TRPM3: variants seen among roughly 807,000 people sequenced by gnomAD.
TRPM3 encodes the protein long transient receptor potential channel 3.
Under a neutral mutation model 181.2 loss-of-function variants are expected in TRPM3, and 77 were observed. The ratio of observed to expected loss-of-function variants is 0.42; its 90% confidence interval spans 0.35 to 0.51. The LOEUF is 0.51. Ranked by LOEUF, TRPM3 falls within the 20% of genes least tolerant of loss-of-function variation. The pLI is 0.01. For missense variants in TRPM3, 1,759 were observed against 2,196.7 expected (o/e 0.80, Z 3.98); for synonymous variants, 745 against 796.4 (o/e 0.94, Z 1.09).
At position 70,911,177 on chromosome 9, in the gene TRPM3, G is replaced by C. The variant is rs561793831; in HGVS notation, c.178-46666C>G. ...TTTCCAAAACTTATTTGTGACCAAT[G>C]AATCACATTCTAAAGATCAAAATCA... On this transcript the variant is annotated intron_variant, in intron 1 of 25. Transcript: ENST00000677713. Among the ~76,000 whole-genome samples the C allele has an allele frequency of 1.2e-3, 181 of 152,292 alleles. 1 individual carries two copies. The highest frequency in any genetic ancestry group is 4.2e-3 in the African/African-American group (176 of 41,550).
intron 1 of TRPM3, among the ~76,000 whole-genome samples, chr9:71,038,580 C>T (rs576538348): frequency 6.6e-6 from 1 of 152,036 alleles, no homozygotes; most frequent in Non-Finnish European, 1.5e-5. Context: ...TCTTCCCTTT[C>T]TTCTTTCATT....
chr9:70,796,805 C>T (rs181885596), intron 6 of TRPM3, among the ~76,000 whole-genome samples: 39 of 151,288 alleles, frequency 2.6e-4, no homozygotes, highest in Admixed American at 2.2e-3. Context: ...CTCTACATGT[C>T]GTAGTTGCTC....
chr9:71,323,221 T>G (rs963279221), intron 1 of TRPM3, among the ~76,000 whole-genome samples: 1 of 152,080 alleles, frequency 6.6e-6, no homozygotes, highest in Admixed American at 6.6e-5. Flanking sequence ...TACAGCACAG[T>G]TGGGGCAAAA....
chr9:71,210,829 T>C (rs2079448341), intron 1 of TRPM3, among the ~76,000 whole-genome samples: 1 of 152,162 alleles, frequency 6.6e-6, no homozygotes, highest in Non-Finnish European at 1.5e-5. Flanking sequence ...CCCAATTCAG[T>C]TTCCAGTGAG....
chr9:70,625,429 A>AG lies in TRPM3; in HGVS notation c.1668+52_1668+53insC. ...ATTCTGTAACTAGAGTAAAAAAAAA[A>AG]TAATGAAAAAAGAAACATATGAATG... On this transcript the variant is annotated intron_variant, in intron 13 of 25. Coordinates refer to ENST00000677713, the MANE Select transcript of TRPM3 (RefSeq NM_001366145.2). This position sits in a 1 kb window ranked among gnomAD's most constrained non-coding sequence, Gnocchi z 4.8. 1 of 1,586,520 alleles carries AG rather than the reference A, an allele frequency of 6.3e-7. No individual in the cohort carries two copies.
At chr9:71,297,603 A>G (rs1413698473) in intron 1 of TRPM3, among the ~76,000 whole-genome samples, 1 of 152,182 alleles carries the variant, frequency 6.6e-6, no homozygotes, top group Non-Finnish European at 1.5e-5. Context: ...ACTTACTATC[A>G]CAAGACTAGC....
chr9:70,792,872 A>C (rs2085861805), intron 6 of TRPM3, among the ~76,000 whole-genome samples: 1 of 152,166 alleles, frequency 6.6e-6, no homozygotes, highest in South Asian at 2.1e-4. Context: ...GCAGGTGCTT[A>C]CATAATAAGA....
intron 8 of TRPM3, among the ~76,000 whole-genome samples, chr9:70,758,273 G>A (rs184872017): frequency 6.6e-6 from 1 of 151,956 alleles, no homozygotes; most frequent in Admixed American, 6.5e-5. Flanking sequence ...CAACTTACAA[G>A]GGATGTGAAG....
intron 1 of TRPM3, among the ~76,000 whole-genome samples, chr9:70,918,972 G>A (rs2096628667): frequency 6.6e-6 from 1 of 152,002 alleles, no homozygotes. Context: ...TGATCTCATA[G>A]CAGATAAGTT....
At chr9:70,894,678 G>A (rs1182877389) in intron 1 of TRPM3, among the ~76,000 whole-genome samples, 2 of 151,434 alleles carry the variant, frequency 1.3e-5, no homozygotes, top group African/African-American at 4.9e-5. Context: ...GCTTCTCCAG[G>A]ACTCAGATCT....
intron 1 of TRPM3, among the ~76,000 whole-genome samples, chr9:71,152,452 T>C (rs1384502662): frequency 6.6e-6 from 1 of 152,142 alleles, no homozygotes; most frequent in African/African-American, 2.4e-5. Flanking sequence ...GGACTACAAA[T>C]ACAGTTTGGA....
chr9:70,812,778 T>A (rs1176039876), intron 6 of TRPM3, among the ~76,000 whole-genome samples: 2 of 152,066 alleles, frequency 1.3e-5, no homozygotes, highest in African/African-American at 2.4e-5. Flanking sequence ...TTCCCCCATT[T>A]ATCAAACTCT....
At chr9:71,226,748 T>C (rs1297592784) in intron 1 of TRPM3, among the ~76,000 whole-genome samples, 1 of 152,074 alleles carries the variant, frequency 6.6e-6, no homozygotes, top group African/African-American at 2.4e-5. Flanking sequence ...CAAATATTAT[T>C]AGAGCTAGAT....
intron 1 of TRPM3, among the ~76,000 whole-genome samples, chr9:71,307,705 TATG>T (rs1231654058): frequency 1.3e-5 from 2 of 152,192 alleles, no homozygotes; most frequent in Non-Finnish European, 2.9e-5. Context: ...TGTACTAACA[TATG>T]ATATACTTTT....
At chr9:71,314,094 C>T (rs775049828) in intron 1 of TRPM3, among the ~76,000 whole-genome samples, 2 of 152,064 alleles carry the variant, frequency 1.3e-5, no homozygotes, top group Non-Finnish European at 2.9e-5. Flanking sequence ...AACTATTCTC[C>T]ATATTCTATA....
chr9:71,343,215 A>G lies in TRPM3; in HGVS notation c.183+103438T>C, dbSNP rs1244510410. On this transcript the variant is annotated intron_variant, in intron 1 of 24. Coordinates refer to the TRPM3 transcript ENST00000357533. ...GCATAAATGTTGTATTTAGCATACA[A>G]AAATAAGTTAAAAAGGAAACCCAGA... 2.0e-5 allele frequency among the ~76,000 whole-genome samples: 3 copies of G among 152,080 alleles called. No individual in the cohort carries two copies. In the East Asian group the frequency reaches 5.8e-4, roughly 29 times the overall value.
In TRPM3 at chr9:70,841,768, A is replaced by G. The variant is rs534662215; in HGVS notation, c.801+1235T>C. ...TACTGGCCAGTCATAACAGAGTGAA[A>G]TCATGTCTTTTGCAGCAACATGGAT... On this transcript the variant is annotated intron_variant, in intron 5 of 25. Coordinates refer to ENST00000677713, the MANE Select transcript of TRPM3 (RefSeq NM_001366145.2). Among the ~76,000 whole-genome samples the G allele has an allele frequency of 3.0e-3, 447 of 150,230 alleles. 2 individuals carry two copies. The highest frequency in any genetic ancestry group is 5.2e-3 in the Non-Finnish European group (352 of 67,522).
chr9:71,277,662 AC>A (rs1258982685), intron 1 of TRPM3, among the ~76,000 whole-genome samples: 4 of 152,178 alleles, frequency 2.6e-5, no homozygotes, highest in Non-Finnish European at 5.9e-5. Flanking sequence ...AATGCAGAGC[AC>A]CTCCCCAAAT....
chr9:70,573,764 T>TA (rs2053103736), intron 22 of TRPM3, among the ~76,000 whole-genome samples: 1 of 152,100 alleles, frequency 6.6e-6, no homozygotes. Flanking sequence ...CCAGCACTGT[T>TA]AGAGTTCAGG....
Sources: allele counts gnomAD v4.1 joint callset (sites outside exome capture counted in the v4.1 genomes callset), GRCh38; gene constraint gnomAD v4.1.1; non-coding constraint Gnocchi (gnomAD v3.1); transcripts MANE v1.5; gene names NCBI Gene and HGNC (gene_info 2026-07-23, HGNC 2026-07-21).